SLIT2: variants seen among roughly 807,000 people sequenced by gnomAD.
The protein encoded by SLIT2 is slit homolog 2 protein.
In SLIT2, 41 loss-of-function variants were observed where a neutral mutation model predicts 185.7. That is an observed-to-expected ratio of 0.22 (90% confidence interval 0.17 to 0.29). The LOEUF is 0.29. Among genes scored for constraint, SLIT2 ranks in the 10% least tolerant of loss-of-function variants. SLIT2 has a pLI of 1.00. For missense variants in SLIT2, 1,571 were observed against 1,909.0 expected, an observed-to-expected ratio of 0.82 and a Z score of 3.30; for synonymous variants, 693 against 680.2, an observed-to-expected ratio of 1.02 and a Z score of -0.29.
At chr4:20,530,445 A>T (rs1482527721) in intron 16 of SLIT2, among the ~76,000 whole-genome samples, 4 of 151,796 alleles carry the variant, frequency 2.6e-5, no homozygotes, top group African/African-American at 9.7e-5. Flanking sequence ...CACCACACCC[A>T]GCTAATTTTG....
intron 5 of SLIT2, among the ~76,000 whole-genome samples, chr4:20,479,629 G>GAA (rs57525605): frequency 9.0e-5 from 13 of 144,030 alleles, no homozygotes; most frequent in South Asian, 4.4e-4. Context: ...TGCTTGTTCA[G>GAA]AAAAAAAAAA....
intron 12 of SLIT2, among the ~76,000 whole-genome samples, chr4:20,522,812 G>A (rs1720951317): frequency 6.6e-6 from 1 of 152,108 alleles, no homozygotes; most frequent in African/African-American, 2.4e-5. Context: ...TTCAACAACT[G>A]ATATTTATTG....
At chr4:20,334,150 A>G (rs554809970) in intron 4 of SLIT2, among the ~76,000 whole-genome samples, 2 of 152,278 alleles carry the variant, frequency 1.3e-5, no homozygotes, top group East Asian at 3.9e-4. Context: ...ATCCCTCGCT[A>G]GAGAAATTAA....
At chr4:20,404,371 C>T (rs1305163816) in intron 4 of SLIT2, among the ~76,000 whole-genome samples, 1 of 151,826 alleles carries the variant, frequency 6.6e-6, no homozygotes, top group Non-Finnish European at 1.5e-5. Context: ...AACTCTTGCT[C>T]TGAAATAAGA....
intron 4 of SLIT2, among the ~76,000 whole-genome samples, chr4:20,417,457 T>TATATATATATATATATATATAC (rs919072867): frequency 9.0e-5 from 13 of 145,014 alleles, no homozygotes; most frequent in Admixed American, 5.6e-4. Context: ...TATATATATA[T>TATATATATATATATATATATAC]ACGTATATAT....
intron 4 of SLIT2, among the ~76,000 whole-genome samples, chr4:20,297,537 C>T (rs1419646800): frequency 6.6e-6 from 1 of 152,122 alleles, no homozygotes; most frequent in Admixed American, 6.6e-5. Flanking sequence ...GTTTTCTAAC[C>T]AGCAAAATCT....
intron 29 of SLIT2, among the ~76,000 whole-genome samples, chr4:20,585,290 A>G (rs562399732): frequency 6.6e-6 from 1 of 152,278 alleles, no homozygotes; most frequent in East Asian, 1.9e-4. Context: ...AACATACACA[A>G]CCAACATATA....
chr4:20,413,698 T>A (rs1238459694), intron 4 of SLIT2, among the ~76,000 whole-genome samples: 1 of 152,126 alleles, frequency 6.6e-6, no homozygotes, highest in Non-Finnish European at 1.5e-5. Context: ...TATACTTCTT[T>A]TTCTATTAAC....
At position 20,592,812 on chromosome 4, in the gene SLIT2, C is replaced by T. The variant is rs370665828; in HGVS notation, c.3183-2885C>T. Among the ~76,000 whole-genome samples, 39 of 152,206 alleles carry T rather than the reference C, an allele frequency of 2.6e-4. No individual in the cohort carries two copies. In the South Asian group the frequency reaches 6.2e-3, roughly 24 times the overall value. ...CACTTAGAGTCTATTTAACTTCAGA[C>T]TTGTTGTTTACTTTGCTTTGCTATG... On this transcript the variant is annotated intron_variant, in intron 30 of 36. Coordinates refer to ENST00000504154, the MANE Select transcript of SLIT2 (RefSeq NM_004787.4).
intron 4 of SLIT2, among the ~76,000 whole-genome samples, chr4:20,424,759 T>C (rs1728423287): frequency 6.6e-6 from 1 of 152,110 alleles, no homozygotes; most frequent in Non-Finnish European, 1.5e-5. Flanking sequence ...GAGGCCCCCC[T>C]GCTTTCAGAG....
chr4:20,312,126 T>G (rs1448019803), intron 4 of SLIT2, among the ~76,000 whole-genome samples: 3 of 152,156 alleles, frequency 2.0e-5, no homozygotes, highest in Non-Finnish European at 4.4e-5. Flanking sequence ...TTCTCAAGAG[T>G]TTTATTTTAA....
At chr4:20,443,069 G>A (rs777060167) in intron 4 of SLIT2, among the ~76,000 whole-genome samples, 6 of 152,118 alleles carry the variant, frequency 3.9e-5, no homozygotes, top group Non-Finnish European at 8.8e-5. Flanking sequence ...ATCATGCCTG[G>A]GAAATCTCCA....
At chr4:20,417,925 G>A (rs577002456) in intron 4 of SLIT2, among the ~76,000 whole-genome samples, 5 of 152,224 alleles carry the variant, frequency 3.3e-5, no homozygotes, top group African/African-American at 9.6e-5. Flanking sequence ...AATGGCATAT[G>A]TGTTCCTACT....
rs567553152 is a variant in SLIT2 at position 20,614,168 on chromosome 4, C to T, written c.3848-2742C>T. On this transcript the variant is annotated intron_variant, in intron 34 of 36. Coordinates refer to ENST00000504154, the MANE Select transcript of SLIT2 (RefSeq NM_004787.4). ...GATTACATGCATGAGCCACTGCGCTCGGCCGACACAAAATAATTTAGTTTT... is the reference window on the plus strand; with the variant it reads ...GATTACATGCATGAGCCACTGCGCTTGGCCGACACAAAATAATTTAGTTTT... Among the ~76,000 whole-genome samples the T allele has an allele frequency of 2.0e-4, 30 of 152,228 alleles. 1 individual carries two copies. The highest frequency in any genetic ancestry group is 1.1e-3 in the Admixed American group (17 of 15,296).
At chr4:20,329,761 G>A (rs1050311367) in intron 4 of SLIT2, among the ~76,000 whole-genome samples, 2 of 151,914 alleles carry the variant, frequency 1.3e-5, no homozygotes, top group Non-Finnish European at 2.9e-5. Context: ...TGTTTTCATG[G>A]CACTGAAAAT....
intron 15 of SLIT2, among the ~76,000 whole-genome samples, chr4:20,527,836 T>G (rs1222132418): frequency 6.6e-6 from 1 of 152,206 alleles, no homozygotes; most frequent in Non-Finnish European, 1.5e-5. Flanking sequence ...CTTGGTGATC[T>G]TTACTTTTGC....
At chr4:20,466,602 G>A (rs17879504) in intron 4 of SLIT2, among the ~76,000 whole-genome samples, 25,390 of 151,980 alleles carry the variant, frequency 0.17, 2,150 homozygotes, top group Middle Eastern at 0.24. Context: ...CTAAATCTCC[G>A]TATCTGCCGG....
chr4:20,386,017 A>G (rs1408652045), intron 4 of SLIT2, among the ~76,000 whole-genome samples: 2 of 152,182 alleles, frequency 1.3e-5, no homozygotes, highest in African/African-American at 4.8e-5. Context: ...TATAACGGCC[A>G]AAGTCCAGGA....
intron 8 of SLIT2, chr4:20,490,871 T>G: frequency 3.0e-6 from 4 of 1,328,896 alleles, no homozygotes; most frequent in Non-Finnish European, 3.1e-6. Context: ...AGAGCTTGTT[T>G]AGAGGGATAG....
Sources: allele counts gnomAD v4.1 joint callset (sites outside exome capture counted in the v4.1 genomes callset), GRCh38; gene constraint gnomAD v4.1.1; transcripts MANE v1.5; gene names NCBI Gene and HGNC (gene_info 2026-07-23, HGNC 2026-07-21).